OPCML: variants seen among roughly 807,000 people sequenced by gnomAD.
OPCML encodes opioid-binding protein/cell adhesion molecule.
In OPCML, 13 loss-of-function variants were observed where a neutral mutation model predicts 37.8. That is an observed-to-expected ratio of 0.34 (90% CI 0.22 to 0.55). The LOEUF is 0.55. Among genes scored for constraint, OPCML ranks in the 20% least tolerant of loss-of-function variants. The probability of loss-of-function intolerance (pLI) is 0.91; values close to 1 mark genes in which losing one functional copy is unlikely to be tolerated. For synonymous variants in OPCML, 176 were observed against 168.8 expected (o/e 1.04, Z -0.33); for missense variants, 341 against 435.6 (o/e 0.78, Z 1.93).
At chr11:132,550,085 T>TG (rs1392126143) in intron 3 of OPCML, among the ~76,000 whole-genome samples, 1 of 152,156 alleles carries the variant, frequency 6.6e-6, no homozygotes, top group Middle Eastern at 3.2e-3. Context: ...AACCCTCCCT[T>TG]GGGGTTTGGA....
chr11:133,494,732 G>T (rs1947744070), intron 1 of OPCML, among the ~76,000 whole-genome samples: 1 of 119,928 alleles, frequency 8.3e-6, no homozygotes, highest in Non-Finnish European at 1.6e-5. Flanking sequence ...GGGGCGGGGG[G>T]ACGGGGGAGG....
At chr11:133,487,942 A>G (rs141056686) in intron 1 of OPCML, among the ~76,000 whole-genome samples, 26 of 152,304 alleles carry the variant, frequency 1.7e-4, no homozygotes, top group African/African-American at 5.8e-4. Flanking sequence ...GGTGGGATTC[A>G]TCCCAGGGAT....
intron 2 of OPCML, among the ~76,000 whole-genome samples, chr11:132,694,729 G>A (rs1479862211): frequency 6.6e-6 from 1 of 152,092 alleles, no homozygotes; most frequent in African/African-American, 2.4e-5. Context: ...AGGTGACCAC[G>A]TGCCTCAATT....
intron 1 of OPCML, among the ~76,000 whole-genome samples, chr11:133,171,592 T>G (rs1465440810): frequency 6.6e-6 from 1 of 152,208 alleles, no homozygotes. Context: ...AAGCCAGCGC[T>G]CGAACTGTTT....
intron 1 of OPCML, among the ~76,000 whole-genome samples, chr11:133,267,217 G>A (rs1941688548): frequency 6.6e-6 from 1 of 152,314 alleles, no homozygotes; most frequent in South Asian, 2.1e-4. Flanking sequence ...TTTGGACCAA[G>A]TTACAGTGTC....
chr11:133,303,651 A>T (rs142323238), intron 1 of OPCML, among the ~76,000 whole-genome samples: 5 of 152,298 alleles, frequency 3.3e-5, no homozygotes, highest in African/African-American at 1.2e-4. Context: ...GTGTTCTAAG[A>T]TTGACCTTGG....
chr11:132,643,742 T>C (rs2135729505), intron 3 of OPCML, among the ~76,000 whole-genome samples: 1 of 152,270 alleles, frequency 6.6e-6, no homozygotes, highest in East Asian at 1.9e-4. Context: ...TCAGACTCTT[T>C]TATTAAGGGG....
intron 1 of OPCML, among the ~76,000 whole-genome samples, chr11:132,968,192 T>C (rs914559339): frequency 3.3e-5 from 5 of 152,242 alleles, no homozygotes; most frequent in Non-Finnish European, 5.9e-5. Flanking sequence ...ACTTGCTCAT[T>C]ACTGGTATAT....
chr11:132,830,401 T>A (rs1428985115), intron 2 of OPCML, among the ~76,000 whole-genome samples: 2 of 152,204 alleles, frequency 1.3e-5, no homozygotes, highest in African/African-American at 4.8e-5. Context: ...CATGTAAGGT[T>A]AGGACTGGCA....
At chr11:133,494,509 G>A (rs1053616575) in intron 1 of OPCML, among the ~76,000 whole-genome samples, 2 of 148,230 alleles carry the variant, frequency 1.3e-5, no homozygotes, top group African/African-American at 5.1e-5. Context: ...AAGAAAATGT[G>A]GCACATATAC....
chr11:133,293,292 C>A (rs1008206295), intron 1 of OPCML, among the ~76,000 whole-genome samples: 3 of 152,136 alleles, frequency 2.0e-5, no homozygotes, highest in African/African-American at 7.2e-5. Flanking sequence ...GATGCACACC[C>A]TCTGTGACCT....
Position 133,173,129 on chromosome 11 carries a change from C to T in OPCML, c.62-230119G>A, listed in dbSNP as rs1465590668. Among the ~76,000 whole-genome samples the T allele has an allele frequency of 6.6e-6, 1 of 152,126 alleles. No individual in the cohort carries two copies. The highest frequency in any genetic ancestry group is 1.5e-5 in the Non-Finnish European group (1 of 68,038). ...GCTTCCAAGTGGTAATAGCCATTTC[C>T]AACAACCACACCCATGCTTTAAAAA... On this transcript the variant is annotated intron_variant, in intron 1 of 7. Coordinates refer to ENST00000524381, the MANE Select transcript of OPCML (RefSeq NM_001012393.5). This position sits in a 1 kb window ranked among gnomAD's most constrained non-coding sequence, Gnocchi z 7.8.
At chr11:132,677,364 C>T (rs1407262902) in intron 2 of OPCML, among the ~76,000 whole-genome samples, 1 of 152,070 alleles carries the variant, frequency 6.6e-6, no homozygotes, top group East Asian at 1.9e-4. Context: ...ATTAAAATCC[C>T]TGAAAGCTAT....
chr11:132,562,178 G>C (rs561716684), intron 3 of OPCML, among the ~76,000 whole-genome samples: 11 of 152,090 alleles, frequency 7.2e-5, no homozygotes, highest in African/African-American at 2.2e-4. Flanking sequence ...GGCAACACAG[G>C]TCCCGCCAAA....
intron 1 of OPCML, among the ~76,000 whole-genome samples, chr11:133,505,692 A>G (rs890201437): frequency 2.0e-5 from 3 of 152,206 alleles, no homozygotes; most frequent in Admixed American, 1.3e-4. Flanking sequence ...TAAATAAGCA[A>G]TGAGGTGAAC....
At chr11:132,457,195 A>T (rs994924539) in intron 4 of OPCML, among the ~76,000 whole-genome samples, 1 of 152,194 alleles carries the variant, frequency 6.6e-6, no homozygotes, top group African/African-American at 2.4e-5. Flanking sequence ...AGATAGAGGG[A>T]GTCAAATGCT....
chr11:132,842,382 T>C (rs1343320900), intron 2 of OPCML, among the ~76,000 whole-genome samples: 1 of 152,204 alleles, frequency 6.6e-6, no homozygotes, highest in Non-Finnish European at 1.5e-5. Context: ...ACCACATTAC[T>C]CAGCAGCTCT....
chr11:132,917,765 C>G (rs558514272), intron 2 of OPCML, among the ~76,000 whole-genome samples: 5 of 152,290 alleles, frequency 3.3e-5, no homozygotes, highest in African/African-American at 1.2e-4. Flanking sequence ...AGCACAATGG[C>G]TTGCTTATCC....
chr11:133,307,931 T>C (rs1214918943), intron 1 of OPCML, among the ~76,000 whole-genome samples: 1 of 152,104 alleles, frequency 6.6e-6, no homozygotes, highest in African/African-American at 2.4e-5. Flanking sequence ...TCAAAAGTTG[T>C]ATACCTTTTT....
Sources: allele counts gnomAD v4.1 joint callset (sites outside exome capture counted in the v4.1 genomes callset), GRCh38; gene constraint gnomAD v4.1.1; non-coding constraint Gnocchi (gnomAD v3.1); transcripts MANE v1.5; gene names NCBI Gene and HGNC (gene_info 2026-07-23, HGNC 2026-07-21).